The following SNX16 variants were observed in gnomAD, a reference collection of about 807,000 sequenced individuals.
The protein encoded by SNX16 is sorting nexin 16, also known as sorting nexin-16.
In SNX16, 35 loss-of-function variants were observed where a neutral mutation model predicts 36.7. That is an observed-to-expected ratio of 0.95 (90% CI 0.73 to 1.27). SNX16 has a LOEUF of 1.27. SNX16 is among the 50% of genes most tolerant of loss of function. SNX16 has a pLI of 0.00. For missense variants in SNX16, 367 were observed against 393.6 expected (o/e 0.93, Z 0.57); for synonymous variants, 134 against 132.0 (o/e 1.02, Z -0.10).
Position 81,801,434 on chromosome 8 carries a change from A to T in SNX16, c.*63T>A. 1.1e-6 allele frequency: 1 copy of T among 896,690 alleles called. No homozygotes were observed. Among genetic ancestry groups the T allele is most frequent in the Non-Finnish European group, 1.7e-6 (1 of 590,418 alleles). The allele number at this position is 896,690 out of a possible 1,614,324, so 55.5% of individuals were successfully genotyped here. A position where few individuals can be genotyped will look rare whatever the true frequency, so the allele number is the denominator to read the frequency against. ...TACAGTTCTTGGTTCTTCTTTTAAA[A>T]TAGTATTTGCCACTCTTCTAAATTT... On this transcript the variant is annotated 3_prime_UTR_variant, in exon 8 of 8. Coordinates refer to ENST00000345957, the MANE Select transcript of SNX16 (RefSeq NM_152836.3).
At chr8:81,823,467 TACTAA>T (rs1251104256) in intron 4 of SNX16, among the ~76,000 whole-genome samples, 1 of 152,130 alleles carries the variant, frequency 6.6e-6, no homozygotes, top group Non-Finnish European at 1.5e-5. Context: ...ACCAAAATTT[TACTAA>T]TATGTAAGTG....
chr8:81,828,385 G>A (rs1811104184), intron 3 of SNX16, among the ~76,000 whole-genome samples: 1 of 152,052 alleles, frequency 6.6e-6, no homozygotes. Flanking sequence ...GAGTATCTGT[G>A]ATATTAAGTG....
intron 2 of SNX16, among the ~76,000 whole-genome samples, chr8:81,838,936 A>C (rs1035669322): frequency 2.6e-5 from 4 of 152,152 alleles, no homozygotes; most frequent in Non-Finnish European, 5.9e-5. Flanking sequence ...AGAAAAATGA[A>C]CAAAAATCAT....
chr8:81,824,034 A>T, intron 3 of SNX16, 94 bp from the exon 4 acceptor site: 2 of 1,148,614 alleles, frequency 1.7e-6, no homozygotes, highest in Non-Finnish European at 2.4e-6. Context: ...TTATTCATGA[A>T]ATAAGTTTAA....
chr8:81,832,494 C>G, intron 2 of SNX16, among the ~76,000 whole-genome samples: 1 of 152,006 alleles, frequency 6.6e-6, no homozygotes, highest in East Asian at 1.9e-4. Flanking sequence ...TCATTAGTAT[C>G]CCGCAATATA....
chr8:81,808,475 G>C, intron 5 of SNX16: 1 of 975,070 alleles, frequency 1.0e-6, no homozygotes, highest in East Asian at 2.4e-5. Context: ...GTGGTGGTGG[G>C]GGATATGGTG....
chr8:81,829,385 G>A, intron 3 of SNX16, 45 bp downstream of exon 3: 1 of 855,546 alleles, frequency 1.2e-6, no homozygotes, highest in African/African-American at 1.8e-5. Context: ...AAACAGAAAA[G>A]AATTCAAAAC....
intron 3 of SNX16, among the ~76,000 whole-genome samples, chr8:81,826,031 TC>T (rs66473168): frequency 0.25 from 37,513 of 151,662 alleles, 5,180 homozygotes; most frequent in East Asian, 0.37. Context: ...ATTTTTTTTT[TC>T]CCCTTAAAAA....
At position 81,823,817 on chromosome 8, in the gene SNX16, C is replaced by T. The variant is rs1462543042; in HGVS notation, c.586G>A (p.Val196Ile). The T allele has an allele frequency of 1.7e-5, 27 of 1,610,130 alleles. No homozygotes were observed. Among genetic ancestry groups the T allele is most frequent in the Non-Finnish European group, 2.3e-5 (27 of 1,178,440 alleles). Reference sequence around the variant, plus strand: ...CAGTTAGCAATGTCCTTGTGAGCTACTAAATTTTGAAGAAACGCTTGTAAT... The same window carrying T: ...CAGTTAGCAATGTCCTTGTGAGCTATTAAATTTTGAAGAAACGCTTGTAAT... ...LGLQAFLQNL[V>I]AHKDIANCLA... is the part of the protein sequence containing the mutation. The change falls in exon 4 of 8, where the codon GTA becomes ATA. Residue 196 changes from valine to isoleucine, a missense_variant. Physicochemically the swap from Val to Ile is conservative, Grantham distance 29. Transcript: ENST00000345957.
intron 2 of SNX16, among the ~76,000 whole-genome samples, chr8:81,831,931 T>C (rs918609002): frequency 2.4e-4 from 37 of 152,250 alleles, no homozygotes; most frequent in Admixed American, 6.5e-4. Flanking sequence ...GGTGATGTTA[T>C]GGAGAAAAGA....
chr8:81,801,716 A>G (rs955708555), intron 7 of SNX16, 123 bp from the exon 8 acceptor site: 13 of 540,992 alleles, frequency 2.4e-5, no homozygotes, highest in African/African-American at 2.0e-4. Flanking sequence ...TTAGTGTAAA[A>G]GTATTTAATG....
chr8:81,830,039 C>G (rs1392859812), intron 2 of SNX16, among the ~76,000 whole-genome samples: 1 of 152,026 alleles, frequency 6.6e-6, no homozygotes, highest in African/African-American at 2.4e-5. Context: ...CCTAGAAAAC[C>G]CTAAAAACTC....
Position 81,829,496 on chromosome 8 carries a change from CT to C in SNX16, c.395del (p.Lys132ArgfsTer9). 7.1e-7 allele frequency: 1 copy of C among 1,409,840 alleles called. No individual in the cohort carries two copies. Among genetic ancestry groups the C allele is most frequent in the Non-Finnish European group, 9.3e-7 (1 of 1,072,950 alleles). 87.3% of individuals were successfully genotyped at this position (1,409,840 alleles called of 1,614,324 possible). ...CTACCCAGCTTTCTTCTGGGGTTTTCTTTACTAGTATTTTATATACCTATGC... is the reference window on the plus strand; with the variant it reads ...CTACCCAGCTTTCTTCTGGGGTTTTCTTACTAGTATTTTATATACCTATGC... ...AKFTVYKILV[K>X]KTPEESWVVF... On this transcript the variant is annotated frameshift_variant, in exon 3 of 8. Transcript: ENST00000345957. LOFTEE classifies it high-confidence loss of function.
intron 1 of SNX16, among the ~76,000 whole-genome samples, chr8:81,840,677 C>G (rs1811706120): frequency 6.6e-6 from 1 of 152,092 alleles, no homozygotes; most frequent in Non-Finnish European, 1.5e-5. Flanking sequence ...AAATAAAACC[C>G]AGTGAACACT....
intron 2 of SNX16, among the ~76,000 whole-genome samples, chr8:81,835,057 T>A (rs545018445): frequency 6.6e-6 from 1 of 152,340 alleles, no homozygotes; most frequent in East Asian, 1.9e-4. Context: ...ATACATCATC[T>A]GAAATCTAGG....
chr8:81,829,169 T>C (rs1250704289), intron 3 of SNX16, among the ~76,000 whole-genome samples: 2 of 152,154 alleles, frequency 1.3e-5, no homozygotes, highest in African/African-American at 4.8e-5. Flanking sequence ...TATAGACATA[T>C]ATAATTTTAT....
intron 4 of SNX16, among the ~76,000 whole-genome samples, chr8:81,821,247 C>A (rs1316779375): frequency 1.8e-4 from 28 of 151,816 alleles, no homozygotes. Context: ...TGAGCAAGAC[C>A]ATTACCACTG....
At chr8:81,820,646 A>T (rs1810699698) in intron 4 of SNX16, among the ~76,000 whole-genome samples, 1 of 144,622 alleles carries the variant, frequency 6.9e-6, no homozygotes, top group Non-Finnish European at 1.6e-5. Flanking sequence ...CATAATCTTA[A>T]GCATTCCAGG....
chr8:81,804,779 G>C (rs1310908571), intron 5 of SNX16, among the ~76,000 whole-genome samples: 1 of 152,002 alleles, frequency 6.6e-6, no homozygotes, highest in African/African-American at 2.4e-5. Flanking sequence ...CCTACCAAAA[G>C]TTGTAGTTTT....
Sources: allele counts gnomAD v4.1 joint callset (sites outside exome capture counted in the v4.1 genomes callset), GRCh38; gene constraint gnomAD v4.1.1; transcripts MANE v1.5; gene names NCBI Gene and HGNC (gene_info 2026-07-23, HGNC 2026-07-21).